The following RANBP2 variants were observed in gnomAD, a reference collection of about 807,000 sequenced individuals.
RANBP2 encodes RAN binding protein 2.
RANBP2 carries 57 observed loss-of-function variants against 303.6 expected under a neutral mutation model. That is an observed-to-expected ratio of 0.19 (90% CI 0.15 to 0.23). The LOEUF is 0.23. Among genes scored for constraint, RANBP2 ranks in the 10% least tolerant of loss-of-function variants. RANBP2 has a pLI of 1.00. For synonymous variants in RANBP2, 1,167 were observed against 1,301.5 expected, an observed-to-expected ratio of 0.90 and a Z score of 2.23; for missense variants, 3,138 against 3,780.8, an observed-to-expected ratio of 0.83 and a Z score of 4.46.
chr2:108,827,706 C>T, the RANBP2 span, among the ~76,000 whole-genome samples: 2 of 151,678 alleles, frequency 1.3e-5, no homozygotes, highest in Admixed American at 6.6e-5. Flanking sequence ...GTCCCAGCTA[C>T]TCGGGAGGCT....
At chr2:109,545,514 A>G in the RANBP2 span, 50 of 1,536,008 alleles carry the variant, frequency 3.3e-5, no homozygotes, top group Admixed American at 3.9e-5. Flanking sequence ...ACATCAATGC[A>G]CAGGAGTTCG....
At chr2:109,062,222 G>T in the RANBP2 span, among the ~76,000 whole-genome samples, 1 of 152,208 alleles carries the variant, frequency 6.6e-6, no homozygotes, top group Non-Finnish European at 1.5e-5. Context: ...TCCCTCCTCT[G>T]AGAGTCTAAA....
chr2:109,408,436 C>G, the RANBP2 span, among the ~76,000 whole-genome samples: 3 of 152,226 alleles, frequency 2.0e-5, no homozygotes, highest in Admixed American at 6.5e-5. Flanking sequence ...CCCTCCCGCT[C>G]CAGGCTAAAC....
chr2:109,024,061 G>A, the RANBP2 span, among the ~76,000 whole-genome samples: 1 of 152,094 alleles, frequency 6.6e-6, no homozygotes, highest in African/African-American at 2.4e-5. Context: ...GAGGAGCTGG[G>A]ATTACAGGCA....
chr2:109,391,422 C>T, the RANBP2 span, among the ~76,000 whole-genome samples: 6 of 152,176 alleles, frequency 3.9e-5, no homozygotes, highest in African/African-American at 7.2e-5. Context: ...GGGAGGGGTG[C>T]GGGTCACCCA....
the RANBP2 span, among the ~76,000 whole-genome samples, chr2:109,295,962 A>G: frequency 2.2e-3 from 334 of 152,188 alleles, 2 homozygotes; most frequent in African/African-American, 7.9e-3. Flanking sequence ...ACTGTGAGAG[A>G]CATTGCAGCC....
At chr2:108,937,675 TAA>T in the RANBP2 span, among the ~76,000 whole-genome samples, 2,236 of 152,044 alleles carry the variant, frequency 0.015, 25 homozygotes, top group South Asian at 0.03. Flanking sequence ...TGTGTGAGTA[TAA>T]GTGTATGTGA....
At chr2:108,848,203 A>G in the RANBP2 span, among the ~76,000 whole-genome samples, 2 of 152,234 alleles carry the variant, frequency 1.3e-5, no homozygotes, top group Non-Finnish European at 2.9e-5. Context: ...CATACATTAT[A>G]TCATTTAATA....
the RANBP2 span, among the ~76,000 whole-genome samples, chr2:108,901,674 A>T: frequency 6.6e-6 from 1 of 152,204 alleles, no homozygotes; most frequent in African/African-American, 2.4e-5. Flanking sequence ...TGCAACTTTA[A>T]CTCTACACAT....
At chr2:109,128,421 C>G in the RANBP2 span, 2 of 152,110 alleles carry the variant, frequency 1.3e-5, no homozygotes, top group African/African-American at 4.8e-5. Flanking sequence ...CGCCTGGCGC[C>G]AGGGTGCTGG....
the RANBP2 span, among the ~76,000 whole-genome samples, chr2:109,050,858 G>A: frequency 2.6e-5 from 4 of 152,200 alleles, no homozygotes; most frequent in East Asian, 1.9e-4. Flanking sequence ...AGGGGACCAC[G>A]TATAGTGTAC....
chr2:109,154,688 A>T, the RANBP2 span, among the ~76,000 whole-genome samples: 1 of 152,182 alleles, frequency 6.6e-6, no homozygotes, highest in Non-Finnish European at 1.5e-5. Flanking sequence ...GGTTTGGACA[A>T]GGTCAGGTGG....
At chr2:109,197,053 T>A in the RANBP2 span, among the ~76,000 whole-genome samples, 1 of 152,120 alleles carries the variant, frequency 6.6e-6, no homozygotes, top group Non-Finnish European at 1.5e-5. Context: ...TTTCTGCAGA[T>A]GAGTACACTG....
the RANBP2 span, among the ~76,000 whole-genome samples, chr2:109,484,126 T>G: frequency 6.6e-6 from 1 of 150,774 alleles, no homozygotes; most frequent in African/African-American, 2.4e-5. Context: ...TGGAGTGCAG[T>G]GGCGTGATCT....
chr2:109,500,729 A>G, the RANBP2 span, among the ~76,000 whole-genome samples: 5 of 152,152 alleles, frequency 3.3e-5, no homozygotes, highest in African/African-American at 1.2e-4. Flanking sequence ...CCAGCGGATC[A>G]CTTGCACTCA....
chr2:108,775,980 C>T, intron 24 of RANBP2, 44 bp downstream of exon 24: 3 of 1,517,628 alleles, frequency 2.0e-6, no homozygotes, highest in East Asian at 2.3e-5. Flanking sequence ...TAAGGGACAC[C>T]TTATATTTGA....
the RANBP2 span, among the ~76,000 whole-genome samples, chr2:109,431,229 A>G: frequency 4.6e-5 from 7 of 152,182 alleles, no homozygotes; most frequent in Non-Finnish European, 1.0e-4. Flanking sequence ...AAGCCGCTGG[A>G]TAGGGTCAGC....
the RANBP2 span, among the ~76,000 whole-genome samples, chr2:108,909,081 C>T: frequency 5.3e-5 from 8 of 152,146 alleles, no homozygotes; most frequent in East Asian, 1.9e-4. Context: ...TGTCTTTTAA[C>T]GTACAAGTGT....
the RANBP2 span, among the ~76,000 whole-genome samples, chr2:108,947,122 C>T: frequency 6.6e-6 from 1 of 152,194 alleles, no homozygotes; most frequent in Non-Finnish European, 1.5e-5. Context: ...AACAAAGGGG[C>T]CATAGGCCCC....
Sources: allele counts gnomAD v4.1 joint callset (sites outside exome capture counted in the v4.1 genomes callset), GRCh38; gene constraint gnomAD v4.1.1; transcripts MANE v1.5; gene names NCBI Gene and HGNC (gene_info 2026-07-23, HGNC 2026-07-21).